Variants in HS2ST1 observed in about 807,000 individuals in gnomAD.
HS2ST1 encodes 2-O-sulfotransferase.
HS2ST1 carries 18 observed loss-of-function variants against 42.9 expected under a neutral mutation model. The ratio of observed to expected loss-of-function variants is 0.42; its 90% CI spans 0.29 to 0.62. The LOEUF (loss-of-function observed/expected upper bound fraction) is 0.62. HS2ST1 is among the 20% of genes least tolerant of loss of function. The pLI is 0.21. For missense variants in HS2ST1, 334 were observed against 433.8 expected (o/e 0.77, Z 2.04); for synonymous variants, 146 against 152.9 (o/e 0.95, Z 0.33).
intron 1 of HS2ST1, among the ~76,000 whole-genome samples, chr1:87,051,471 A>T (rs1265049128): frequency 1.3e-5 from 2 of 152,208 alleles, no homozygotes; most frequent in African/African-American, 4.8e-5. Flanking sequence ...AAGCTAATAT[A>T]TAGGGTATGT....
At chr1:87,089,032 GATTCCCAAAGGCC>G (rs1651878037) in intron 3 of HS2ST1, among the ~76,000 whole-genome samples, 1 of 152,078 alleles carries the variant, frequency 6.6e-6, no homozygotes, top group African/African-American at 2.4e-5. Flanking sequence ...AAAACATAAT[GATTCCCAAAGGCC>G]ATTCAGCCCT....
chr1:87,047,651 C>T (rs933425486), intron 1 of HS2ST1, among the ~76,000 whole-genome samples: 1 of 152,108 alleles, frequency 6.6e-6, no homozygotes, highest in South Asian at 2.1e-4. Flanking sequence ...TGTTCCCATA[C>T]TATTTGTTGA....
intron 1 of HS2ST1, among the ~76,000 whole-genome samples, chr1:87,002,629 A>AG (rs1649322974): frequency 6.8e-6 from 1 of 147,670 alleles, no homozygotes; most frequent in African/African-American, 2.7e-5. Context: ...AAAAAGAAAA[A>AG]GAAAAAAAAG....
At chr1:87,054,276 A>G (rs996204091) in intron 1 of HS2ST1, among the ~76,000 whole-genome samples, 1 of 151,958 alleles carries the variant, frequency 6.6e-6, no homozygotes, top group African/African-American at 2.4e-5. Context: ...TATTTCTGAA[A>G]CTCTTCTAGA....
intron 1 of HS2ST1, among the ~76,000 whole-genome samples, chr1:86,981,851 A>G (rs1311709020): frequency 2.0e-5 from 3 of 152,168 alleles, no homozygotes; most frequent in Non-Finnish European, 4.4e-5. Context: ...TCACAGCTCA[A>G]CTAGGCAGTG....
chr1:87,053,903 T>TAAAAATGAAGTG (rs1553140789), intron 1 of HS2ST1, among the ~76,000 whole-genome samples: 26 of 151,968 alleles, frequency 1.7e-4, no homozygotes, highest in African/African-American at 6.3e-4. Flanking sequence ...TGTTTAAAAA[T>TAAAAATGAAGTG]AAAAATAAAA....
intron 1 of HS2ST1, among the ~76,000 whole-genome samples, chr1:87,048,040 C>G (rs1650732134): frequency 6.6e-6 from 1 of 152,112 alleles, no homozygotes; most frequent in Non-Finnish European, 1.5e-5. Context: ...GACATCTTAA[C>G]AGTAGTCTTT....
intron 1 of HS2ST1, among the ~76,000 whole-genome samples, chr1:86,974,792 T>C (rs1444195579): frequency 3.9e-5 from 6 of 152,174 alleles, no homozygotes; most frequent in Admixed American, 6.6e-5. Flanking sequence ...AGAAAAACAA[T>C]GTTTTCATTT....
intron 1 of HS2ST1, among the ~76,000 whole-genome samples, chr1:87,033,703 C>T (rs1034089041): frequency 7.1e-4 from 108 of 152,188 alleles, no homozygotes; most frequent in African/African-American, 2.6e-3. Context: ...CCACCACGTC[C>T]AGCTGATTTT....
Position 86,986,235 on chromosome 1 carries a change from ATATT to A in HS2ST1, c.124+71079_124+71082del, listed in dbSNP as rs147815835. Among the ~76,000 whole-genome samples the A allele has an allele frequency of 6.6e-4, 101 of 152,178 alleles. 1 individual carries two copies. Among genetic ancestry groups the A allele is most frequent in the African/African-American group, 2.1e-3 (86 of 41,536 alleles). ...TATTTTCAAGTAACTTCTTATATAAATATTTATCTATGTAAATTTATAACAGAAA... is the reference window on the plus strand; with the variant it reads ...TATTTTCAAGTAACTTCTTATATAAATATCTATGTAAATTTATAACAGAAA... On this transcript the variant is annotated intron_variant, in intron 1 of 6. Transcript: ENST00000370550.
At chr1:87,043,851 A>G (rs1557525785) in intron 1 of HS2ST1, among the ~76,000 whole-genome samples, 2 of 152,058 alleles carry the variant, frequency 1.3e-5, no homozygotes, top group Admixed American at 1.3e-4. Context: ...TTGGGTGACT[A>G]TATTTGTACC....
intron 2 of HS2ST1, among the ~76,000 whole-genome samples, chr1:87,078,454 C>G (rs1198184029): frequency 6.6e-6 from 1 of 152,222 alleles, no homozygotes; most frequent in Non-Finnish European, 1.5e-5. Context: ...GGTTTACACT[C>G]TGCTTCAGGC....
intron 1 of HS2ST1, among the ~76,000 whole-genome samples, chr1:86,977,527 A>G (rs548426293): frequency 1.3e-5 from 2 of 152,372 alleles, no homozygotes; most frequent in Non-Finnish European, 2.9e-5. Context: ...GACTATTGTG[A>G]CATTTACTGA....
chr1:87,053,000 C>G (rs1392468344), intron 1 of HS2ST1, among the ~76,000 whole-genome samples: 2 of 152,106 alleles, frequency 1.3e-5, no homozygotes, highest in Non-Finnish European at 2.9e-5. Context: ...ACAAATGCTC[C>G]AAGTAATTCT....
chr1:86,963,961 G>C (rs1647951184), intron 1 of HS2ST1, among the ~76,000 whole-genome samples: 1 of 151,376 alleles, frequency 6.6e-6, no homozygotes, highest in Non-Finnish European at 1.5e-5. Context: ...TCCCAAATGG[G>C]TCGGCTGCCG....
intron 1 of HS2ST1, among the ~76,000 whole-genome samples, chr1:87,065,914 TA>T (rs1651238018): frequency 6.6e-6 from 1 of 152,200 alleles, no homozygotes; most frequent in Non-Finnish European, 1.5e-5. Flanking sequence ...ATTTTAACAC[TA>T]GAAGTTTCAG....
At chr1:87,071,742 A>AG (rs1390354619) in intron 1 of HS2ST1, among the ~76,000 whole-genome samples, 1 of 151,994 alleles carries the variant, frequency 6.6e-6, no homozygotes, top group Non-Finnish European at 1.5e-5. Context: ...AAAAAAAAAA[A>AG]AAAAGATGAT....
intron 1 of HS2ST1, among the ~76,000 whole-genome samples, chr1:86,974,108 T>G (rs1648318512): frequency 6.6e-6 from 1 of 152,094 alleles, no homozygotes; most frequent in Non-Finnish European, 1.5e-5. Flanking sequence ...TTTAAATTTT[T>G]GGGGTGATAG....
intron 1 of HS2ST1, among the ~76,000 whole-genome samples, chr1:86,946,779 C>CATA (rs1301095865): frequency 6.6e-6 from 1 of 152,150 alleles, no homozygotes; most frequent in East Asian, 1.9e-4. Context: ...AGATGTGTAC[C>CATA]ATAAAGCTAT....
Sources: gnomAD v4.1 joint callset for allele counts (sites outside exome capture counted in the v4.1 genomes callset) on GRCh38, gnomAD v4.1.1 for gene constraint, MANE v1.5 for transcripts, NCBI Gene and HGNC (gene_info 2026-07-23, HGNC 2026-07-21) for gene names.